The following MAN2A1 variants were observed in gnomAD, a reference collection of about 807,000 sequenced individuals.
The protein encoded by MAN2A1 is mannosidase alpha class 2A member 1.
A neutral mutation model predicts 142.6 loss-of-function variants in MAN2A1; 76 were observed. The observed-to-expected ratio is 0.53, with a 90% CI of 0.44 to 0.65. The LOEUF is 0.65. MAN2A1 is among the 30% of genes least tolerant of loss of function. MAN2A1 has a pLI of 0.00. For synonymous variants in MAN2A1, 559 were observed against 473.2 expected (o/e 1.18, Z -2.35); for missense variants, 1,311 against 1,365.1 (o/e 0.96, Z 0.62).
intron 5 of MAN2A1, 63 bp downstream of exon 5, chr5:109,755,519 G>A (rs1752666138): frequency 7.6e-7 from 1 of 1,319,280 alleles, no homozygotes; most frequent in Non-Finnish European, 1.1e-6. Context: ...GATGTGAAGT[G>A]AGGCTCTGTT....
intron 3 of MAN2A1, among the ~76,000 whole-genome samples, chr5:109,724,345 G>A (rs1414345154): frequency 1.3e-5 from 2 of 152,010 alleles, no homozygotes; most frequent in African/African-American, 4.8e-5. Context: ...TTGGGTGATG[G>A]GATCAATAGA....
In MAN2A1 at chr5:109,867,176, A is replaced by C. The variant is rs1755908385; in HGVS notation, c.*178A>C. 1 of 407,772 alleles carries C rather than the reference A, an allele frequency of 2.5e-6. No individual in the cohort carries two copies. Among genetic ancestry groups the C allele is most frequent in the Admixed American group, 4.4e-5 (1 of 22,710 alleles). 25.3% of individuals were successfully genotyped at this position (407,772 alleles called of 1,614,324 possible). A position where few individuals can be genotyped will look rare whatever the true frequency, so the allele number is the denominator to read the frequency against. On this transcript the variant is annotated 3_prime_UTR_variant, in exon 22 of 22. Transcript: ENST00000261483. ...CAGTAAGAAAAAAAAAAAAAAAAAAAAAGCCATGCTATCAATCAAGATTCT... is the reference window on the plus strand; with the variant it reads ...CAGTAAGAAAAAAAAAAAAAAAAAACAAGCCATGCTATCAATCAAGATTCT...
Position 109,819,728 on chromosome 5 carries a change from A to G in MAN2A1, c.2169A>G (p.Ser723=). The G allele has an allele frequency of 6.2e-7, 1 of 1,612,822 alleles. No homozygotes were observed. Among genetic ancestry groups the G allele is most frequent in the South Asian group, 1.1e-5 (1 of 90,786 alleles). Residue 723 remains serine (S), a synonymous_variant, in exon 14 of 22, where the codon TCA becomes TCG. Transcript: ENST00000261483. ...LGLKVYKILE[S]ASSNSHLADY... is the part of the protein sequence containing the mutation. Reference sequence around the variant, plus strand: ...TGAAAGTGTATAAGATTTTGGAATCAGCAAGTTCAAATTCACATTTAGCTG... The same window carrying G: ...TGAAAGTGTATAAGATTTTGGAATCGGCAAGTTCAAATTCACATTTAGCTG...
intron 1 of MAN2A1, among the ~76,000 whole-genome samples, chr5:109,700,916 G>T (rs1039329217): frequency 2.0e-5 from 3 of 152,162 alleles, no homozygotes; most frequent in South Asian, 2.1e-4. Context: ...TGTTTTGAAA[G>T]AACTTTTTAG....
At chr5:109,734,729 T>C (rs1222950463) in intron 4 of MAN2A1, among the ~76,000 whole-genome samples, 1 of 152,222 alleles carries the variant, frequency 6.6e-6, no homozygotes, top group Non-Finnish European at 1.5e-5. Context: ...CACTGTGGTC[T>C]GAGAGACAGT....
intron 4 of MAN2A1, among the ~76,000 whole-genome samples, chr5:109,733,891 AG>A (rs1488519785): frequency 2.0e-5 from 3 of 152,118 alleles, no homozygotes; most frequent in African/African-American, 7.2e-5. Flanking sequence ...TGAGTTAGGG[AG>A]GATTCCCTCT....
At chr5:109,736,814 C>T (rs1002645901) in intron 4 of MAN2A1, among the ~76,000 whole-genome samples, 1 of 152,086 alleles carries the variant, frequency 6.6e-6, no homozygotes, top group Non-Finnish European at 1.5e-5. Context: ...CTAATTCCTT[C>T]TACTCACTTT....
At chr5:109,768,703 T>C (rs1464913723) in intron 6 of MAN2A1, among the ~76,000 whole-genome samples, 2 of 152,236 alleles carry the variant, frequency 1.3e-5, no homozygotes. Flanking sequence ...TTATATGTAC[T>C]CCTGTTTTTT....
At chr5:109,820,057 C>T (rs1303634459) in intron 14 of MAN2A1, among the ~76,000 whole-genome samples, 163 bp from the exon 15 acceptor site, 1 of 152,212 alleles carries the variant, frequency 6.6e-6, no homozygotes, top group Middle Eastern at 3.2e-3. Flanking sequence ...TTGCTGCTCA[C>T]ATGTATAGTC....
intron 4 of MAN2A1, among the ~76,000 whole-genome samples, chr5:109,743,968 G>A (rs775220773): frequency 5.3e-5 from 8 of 152,084 alleles, no homozygotes; most frequent in Non-Finnish European, 1.0e-4. Flanking sequence ...TGAGCCACGG[G>A]TGTCCTCAGA....
At chr5:109,746,381 A>C (rs1752404990) in intron 4 of MAN2A1, among the ~76,000 whole-genome samples, 1 of 152,192 alleles carries the variant, frequency 6.6e-6, no homozygotes, top group African/African-American at 2.4e-5. Context: ...AATATATACA[A>C]AGGATACACA....
In MAN2A1 at chr5:109,819,900, T is replaced by TC; in HGVS notation, c.2328+13_2328+14insC. 6.6e-7 allele frequency: 1 copy of TC among 1,515,958 alleles called. No individual in the cohort carries two copies. Among genetic ancestry groups the TC allele is most frequent in the Non-Finnish European group, 8.9e-7 (1 of 1,122,214 alleles). The allele number at this position is 1,515,958 out of a possible 1,614,324, so 93.9% of individuals were successfully genotyped here. A position where few individuals can be genotyped will look rare whatever the true frequency, so the allele number is the denominator to read the frequency against. On this transcript the variant is annotated intron_variant, in intron 14 of 21. Transcript: ENST00000261483. ...TGGACTTATGAAGGTATGTTCTGAA[T>TC]AGTTCTAAAATTCATAGAATGCTTA...
chr5:109,838,403 C>A (rs1755113505), intron 16 of MAN2A1, among the ~76,000 whole-genome samples: 1 of 152,170 alleles, frequency 6.6e-6, no homozygotes, highest in African/African-American at 2.4e-5. Context: ...CCTGGCCATT[C>A]ATGCCCAGGT....
At chr5:109,817,132 C>T (rs563087892) in intron 12 of MAN2A1, 141 bp from the exon 13 acceptor site, 1 of 767,670 alleles carries the variant, frequency 1.3e-6, no homozygotes, top group South Asian at 1.9e-5. Flanking sequence ...CCCCACTGCA[C>T]TCCAGCCTGG....
chr5:109,833,170 C>G (rs1754968510), intron 16 of MAN2A1, among the ~76,000 whole-genome samples: 1 of 151,282 alleles, frequency 6.6e-6, no homozygotes, highest in Non-Finnish European at 1.5e-5. Context: ...GGAAGAGACG[C>G]TCCTCACTTC....
At chr5:109,747,114 G>C (rs1021153244) in intron 4 of MAN2A1, among the ~76,000 whole-genome samples, 3 of 152,156 alleles carry the variant, frequency 2.0e-5, no homozygotes, top group Non-Finnish European at 2.9e-5. Context: ...TAATGCTGCT[G>C]TGAATATGAG....
chr5:109,692,058 T>C (rs572976703), intron 1 of MAN2A1, among the ~76,000 whole-genome samples: 1 of 152,334 alleles, frequency 6.6e-6, no homozygotes. Flanking sequence ...TCTAAAATAA[T>C]GTCCTTTGGC....
At chr5:109,807,347 G>A (rs1009861502) in intron 12 of MAN2A1, among the ~76,000 whole-genome samples, 1 of 152,140 alleles carries the variant, frequency 6.6e-6, no homozygotes, top group East Asian at 1.9e-4. Flanking sequence ...TTAGTTTCCT[G>A]TTGCTGCTAT....
chr5:109,758,714 A>G (rs1486397851), intron 5 of MAN2A1, among the ~76,000 whole-genome samples: 2 of 148,702 alleles, frequency 1.3e-5, no homozygotes, highest in East Asian at 3.9e-4. Context: ...AGTTAATATA[A>G]CTATTAATAT....
Sources: allele counts gnomAD v4.1 joint callset (sites outside exome capture counted in the v4.1 genomes callset), GRCh38; gene constraint gnomAD v4.1.1; transcripts MANE v1.5; gene names NCBI Gene and HGNC (gene_info 2026-07-23, HGNC 2026-07-21).